Variants in RNF13 observed in about 807,000 individuals in gnomAD.
RNF13 encodes ring finger protein 13.
A neutral mutation model predicts 37.7 loss-of-function variants in RNF13; 19 were observed. That is an observed-to-expected ratio of 0.50 (90% confidence interval 0.35 to 0.74). The LOEUF (loss-of-function observed/expected upper bound fraction) is 0.74. Ranked by LOEUF, RNF13 falls within the 30% of genes least tolerant of loss-of-function variation. The pLI, the probability that RNF13 is intolerant of heterozygous loss-of-function variation, is 0.01. For missense variants in RNF13, 375 were observed against 453.0 expected (o/e 0.83, Z 1.56); for synonymous variants, 144 against 157.8 (o/e 0.91, Z 0.65).
At chr3:149,938,379 A>G (rs1719917210) in intron 8 of RNF13, among the ~76,000 whole-genome samples, 2 of 151,382 alleles carry the variant, frequency 1.3e-5, no homozygotes, top group Non-Finnish European at 2.9e-5. Context: ...GGGTTTCACT[A>G]TGTTGGGCCA....
intron 7 of RNF13, among the ~76,000 whole-genome samples, chr3:149,918,495 T>C (rs1005596293): frequency 1.3e-5 from 2 of 152,142 alleles, no homozygotes; most frequent in African/African-American, 4.8e-5. Flanking sequence ...TTCTTTTGCT[T>C]AATATTTTCA....
rs1451109048 is a variant in RNF13 at position 149,961,832 on chromosome 3, A to C, written c.*728A>C. 6.5e-6 allele frequency: 1 copy of C among 153,614 alleles called. No homozygotes were observed. Among genetic ancestry groups the C allele is most frequent in the Non-Finnish European group, 1.5e-5 (1 of 68,838 alleles). The allele number at this position is 153,614 out of a possible 1,614,324, so 9.5% of individuals were successfully genotyped here. The stretch of plus-strand genomic sequence containing the variant: ...AAGAAAATGCTGCATAAAAATACCA[A>C]ACTTCAGCAACTGTTAATACTCAGA... On this transcript the variant is annotated 3_prime_UTR_variant, in exon 10 of 10. Coordinates refer to ENST00000392894, the MANE Select transcript of RNF13 (RefSeq NM_183381.3).
chr3:149,932,408 C>CT (rs1719250486), intron 8 of RNF13, among the ~76,000 whole-genome samples: 1 of 152,138 alleles, frequency 6.6e-6, no homozygotes, highest in African/African-American at 2.4e-5. Flanking sequence ...ACTCATTCCA[C>CT]CATCAACTCA....
At chr3:149,868,274 A>G (rs1711573342) in intron 3 of RNF13, among the ~76,000 whole-genome samples, 1 of 151,650 alleles carries the variant, frequency 6.6e-6, no homozygotes, top group Non-Finnish European at 1.5e-5. Flanking sequence ...GGGTTTGTCT[A>G]TGTACTTAAT....
At chr3:149,902,640 T>C (rs766839934) in intron 6 of RNF13, among the ~76,000 whole-genome samples, 3 of 152,052 alleles carry the variant, frequency 2.0e-5, no homozygotes, top group Non-Finnish European at 4.4e-5. Flanking sequence ...GAAACTCTTC[T>C]CCCCTACCCC....
At chr3:149,897,535 G>A (rs189508843) in intron 5 of RNF13, among the ~76,000 whole-genome samples, 72 of 152,234 alleles carry the variant, frequency 4.7e-4, no homozygotes, top group African/African-American at 1.7e-3. Context: ...GCCTGCTGTT[G>A]CCATGGAAAT....
intron 1 of RNF13, chr3:149,817,463 C>G (rs755842311): frequency 6.6e-6 from 1 of 152,154 alleles, no homozygotes; most frequent in East Asian, 1.9e-4. Context: ...CATTTATAAA[C>G]ATATGTTGAA....
intron 1 of RNF13, among the ~76,000 whole-genome samples, chr3:149,831,982 A>T (rs1254795531): frequency 6.6e-6 from 1 of 152,212 alleles, no homozygotes; most frequent in Non-Finnish European, 1.5e-5. Context: ...AACCTATTAA[A>T]TGATGTGTGA....
intron 5 of RNF13, among the ~76,000 whole-genome samples, chr3:149,897,950 C>T (rs566406368): frequency 5.9e-5 from 9 of 152,152 alleles, no homozygotes; most frequent in Non-Finnish European, 1.2e-4. Flanking sequence ...CATTCTTTAT[C>T]TTTAGGAGAC....
At chr3:149,815,297 G>T (rs368517780) in intron 1 of RNF13, among the ~76,000 whole-genome samples, 97 of 152,300 alleles carry the variant, frequency 6.4e-4, no homozygotes, top group African/African-American at 2.3e-3. Flanking sequence ...ATGCCTTATA[G>T]TTCTTGCCAT....
chr3:149,875,335 T>G (rs568591588), intron 4 of RNF13, among the ~76,000 whole-genome samples: 1 of 152,254 alleles, frequency 6.6e-6, no homozygotes, highest in Admixed American at 6.5e-5. Context: ...GAATAAAAAT[T>G]TATCGAGTTA....
intron 4 of RNF13, among the ~76,000 whole-genome samples, chr3:149,886,252 C>T (rs79006918): frequency 2.1e-4 from 32 of 152,208 alleles, no homozygotes; most frequent in African/African-American, 7.7e-4. Context: ...AATTGTTTTT[C>T]TCTATTTCTG....
At chr3:149,903,708 A>G (rs1428307757) in intron 6 of RNF13, among the ~76,000 whole-genome samples, 1 of 152,198 alleles carries the variant, frequency 6.6e-6, no homozygotes, top group Non-Finnish European at 1.5e-5. Flanking sequence ...AATTTTAAAA[A>G]GTTAAATAAC....
chr3:149,940,303 T>C (rs1720122076), intron 8 of RNF13, among the ~76,000 whole-genome samples: 1 of 152,168 alleles, frequency 6.6e-6, no homozygotes, highest in South Asian at 2.1e-4. Flanking sequence ...TTCCCAATAA[T>C]AACAAAATAT....
At chr3:149,921,450 C>G (rs1207985141) in intron 8 of RNF13, among the ~76,000 whole-genome samples, 1 of 152,142 alleles carries the variant, frequency 6.6e-6, no homozygotes, top group Non-Finnish European at 1.5e-5. Context: ...ATCCCTCCCC[C>G]AGCCCTCCAC....
rs184529890 is a variant in RNF13 at position 149,947,643 on chromosome 3, G to A, written c.701-12413G>A. 6.6e-3 allele frequency among the ~76,000 whole-genome samples: 1,003 copies of A among 152,056 alleles called. 10 individuals carry two copies. The highest frequency in any genetic ancestry group is 0.012 in the Non-Finnish European group (795 of 67,966). On this transcript the variant is annotated intron_variant, in intron 8 of 9. Coordinates refer to ENST00000392894, the MANE Select transcript of RNF13 (RefSeq NM_183381.3). ...CTGGTCTCCTGACCTCTGGTGATCCGACCGCCTGGGCCTCCCAAAGTGCTG... is the reference window on the plus strand; with the variant it reads ...CTGGTCTCCTGACCTCTGGTGATCCAACCGCCTGGGCCTCCCAAAGTGCTG...
chr3:149,951,925 A>G (rs992703797), intron 8 of RNF13, among the ~76,000 whole-genome samples: 3 of 152,122 alleles, frequency 2.0e-5, no homozygotes, highest in African/African-American at 7.2e-5. Flanking sequence ...GACTCCAAAC[A>G]CTAGTAAATA....
chr3:149,824,511 C>G (rs1463627591), intron 1 of RNF13, among the ~76,000 whole-genome samples: 1 of 152,206 alleles, frequency 6.6e-6, no homozygotes, highest in African/African-American at 2.4e-5. Context: ...AGGATGTTGG[C>G]AGCCTCTAGA....
intron 8 of RNF13, among the ~76,000 whole-genome samples, chr3:149,930,715 T>C (rs62268824): frequency 5.6e-4 from 85 of 152,196 alleles, no homozygotes; most frequent in Non-Finnish European, 1.1e-3. Flanking sequence ...TGGAAGGTTA[T>C]TATTTATCGG....
Sources: allele counts gnomAD v4.1 joint callset (sites outside exome capture counted in the v4.1 genomes callset), GRCh38; gene constraint gnomAD v4.1.1; transcripts MANE v1.5; gene names NCBI Gene and HGNC (gene_info 2026-07-23, HGNC 2026-07-21).